G3BP1: variants seen among roughly 807,000 people sequenced by gnomAD.
G3BP1 encodes ras GTPase-activating protein-binding protein 1.
In G3BP1, 35 loss-of-function variants were observed where a neutral mutation model predicts 58.6. The observed-to-expected ratio is 0.60, with a 90% CI of 0.46 to 0.79. The LOEUF (loss-of-function observed/expected upper bound fraction) is 0.79, where lower values mean the gene tolerates loss of function less well. Ranked by LOEUF, G3BP1 falls within the 30% of genes least tolerant of loss-of-function variation. The pLI is 0.00. For synonymous variants in G3BP1, 191 were observed against 195.4 expected, an observed-to-expected ratio of 0.98 and a Z score of 0.19; for missense variants, 523 against 580.8, an observed-to-expected ratio of 0.90 and a Z score of 1.02.
intron 1 of G3BP1, among the ~76,000 whole-genome samples, chr5:151,781,066 C>T (rs1762462700): frequency 6.6e-6 from 1 of 151,608 alleles, no homozygotes; most frequent in South Asian, 2.1e-4. Context: ...AAAAAGCTCA[C>T]AAACTGAATA....
intron 11 of G3BP1, among the ~76,000 whole-genome samples, 191 bp downstream of exon 11, chr5:151,801,060 A>G (rs892005): frequency 0.2 from 29,868 of 152,054 alleles, 3,688 homozygotes; most frequent in South Asian, 0.32. Context: ...CCTTATGTTT[A>G]AGTAACTTAG....
Position 151,786,585 on chromosome 5 carries a change from T to C in G3BP1, c.-36T>C. ...TTGATCCTTCAGGTTTGGACATATT[T>C]GACTCTTTTCCCCCCAGGTTGAATT... On this transcript the variant is annotated 5_prime_UTR_variant, in exon 2 of 12. Coordinates refer to ENST00000356245, the MANE Select transcript of G3BP1 (RefSeq NM_005754.3). 1 of 1,322,000 alleles carries C rather than the reference T, an allele frequency of 7.6e-7. No homozygotes were observed. Among genetic ancestry groups the C allele is most frequent in the Non-Finnish European group, 1.1e-6 (1 of 913,568 alleles). The allele number at this position is 1,322,000 out of a possible 1,614,324, so 81.9% of individuals were successfully genotyped here.
intron 7 of G3BP1, among the ~76,000 whole-genome samples, chr5:151,798,053 A>G (rs938989486): frequency 6.6e-6 from 1 of 152,326 alleles, no homozygotes; most frequent in East Asian, 1.9e-4. Context: ...TGTTTGTTCA[A>G]TAATTCAAAT....
At chr5:151,784,168 T>C (rs574655746) in intron 1 of G3BP1, among the ~76,000 whole-genome samples, 176 of 152,286 alleles carry the variant, frequency 1.2e-3, no homozygotes, top group African/African-American at 4.0e-3. Context: ...TGATGATAGC[T>C]CACTGCAGCC....
chr5:151,799,357 AT>A, intron 8 of G3BP1, 44 bp downstream of exon 8: 1 of 962,138 alleles, frequency 1.0e-6, no homozygotes. Context: ...ATTTACTTCT[AT>A]TGTGGTAATT....
In G3BP1 at chr5:151,808,063, T is replaced by A. The variant is rs1218774965; in HGVS notation, c.*3972T>A. On this transcript the variant is annotated 3_prime_UTR_variant, in exon 12 of 12. Coordinates refer to ENST00000356245, the MANE Select transcript of G3BP1 (RefSeq NM_005754.3). Reference sequence around the variant, plus strand: ...ATGTACCAAAAAAAAATTAGCAATGTCTTATGTGGGATGAGGGGTTAAGTT... The same window carrying A: ...ATGTACCAAAAAAAAATTAGCAATGACTTATGTGGGATGAGGGGTTAAGTT... 2 of 152,216 alleles carry A rather than the reference T, an allele frequency of 1.3e-5. No individual in the cohort carries two copies. The highest frequency in any genetic ancestry group is 1.5e-5 in the Non-Finnish European group (1 of 68,040). The allele number at this position is 152,216 out of a possible 1,614,324, so 9.4% of individuals were successfully genotyped here. A position where few individuals can be genotyped will look rare whatever the true frequency, so the allele number is the denominator to read the frequency against.
intron 1 of G3BP1, among the ~76,000 whole-genome samples, chr5:151,774,130 A>G (rs1762326258): frequency 1.3e-5 from 2 of 152,216 alleles, no homozygotes; most frequent in Non-Finnish European, 2.9e-5. Flanking sequence ...AGGCTGCCCT[A>G]CATCCCTACC....
At chr5:151,775,424 C>G (rs1762351122) in intron 1 of G3BP1, among the ~76,000 whole-genome samples, 1 of 152,234 alleles carries the variant, frequency 6.6e-6, no homozygotes. Context: ...TGAATTGGAG[C>G]TCTGAAACCG....
At chr5:151,799,758 G>A in intron 8 of G3BP1, 131 bp from the exon 9 acceptor site, 1 of 633,026 alleles carries the variant, frequency 1.6e-6, no homozygotes, top group South Asian at 2.0e-5. Flanking sequence ...GGTATAAGAT[G>A]GTTTTTAATG....
chr5:151,795,537 T>G lies in G3BP1; in HGVS notation c.501T>G (p.Pro167=). ...GACAGCAAACACCTGAGGTGGTACC[T>G]GATGATTCTGGAACTTTCTATGATC... ...EERQQTPEVV[P]DDSGTFYDQA... The change falls in exon 6 of 12, where the codon CCT becomes CCG. Residue 167 remains proline, a synonymous_variant. Transcript: ENST00000356245. 2 of 1,607,230 alleles carry G rather than the reference T, an allele frequency of 1.2e-6. No homozygotes were observed. The highest frequency in any genetic ancestry group is 1.1e-5 in the South Asian group (1 of 90,806).
intron 1 of G3BP1, among the ~76,000 whole-genome samples, chr5:151,778,429 T>C (rs1581570775): frequency 6.6e-6 from 1 of 152,172 alleles, no homozygotes; most frequent in Non-Finnish European, 1.5e-5. Flanking sequence ...TTTATGGGAT[T>C]GGTTACTTAA....
At chr5:151,799,187 T>C (rs1433006057) in intron 7 of G3BP1, 25 bp from the exon 8 acceptor site, 16 of 1,078,248 alleles carry the variant, frequency 1.5e-5, no homozygotes, top group Non-Finnish European at 2.2e-5. Flanking sequence ...GGTATAATTA[T>C]GTAATGTTGG....
chr5:151,773,831 A>G (rs1561528954), intron 1 of G3BP1, among the ~76,000 whole-genome samples: 1 of 152,248 alleles, frequency 6.6e-6, no homozygotes, highest in South Asian at 2.1e-4. Context: ...ATGGAAAAAC[A>G]CTAGAATGAC....
At position 151,810,053 on chromosome 5, in the gene G3BP1, T is replaced by C. The variant is rs980598513; in HGVS notation, c.*5962T>C. ...ATTGTGGTGCTTTTTCCACCTTGTA[T>C]TGTTGTAACTGTAAGCTCCTAGGGG... On this transcript the variant is annotated 3_prime_UTR_variant, in exon 12 of 12. Transcript: ENST00000356245. The C allele has an allele frequency of 2.6e-5, 4 of 152,262 alleles. No homozygotes were observed. The highest frequency in any genetic ancestry group is 2.1e-4 in the South Asian group (1 of 4,828). The allele number at this position is 152,262 out of a possible 1,614,324, so 9.4% of individuals were successfully genotyped here.
chr5:151,801,534 A>G (rs1762849242), intron 11 of G3BP1, among the ~76,000 whole-genome samples: 1 of 152,222 alleles, frequency 6.6e-6, no homozygotes. Context: ...TGAAATTTAC[A>G]TAACAAAATT....
chr5:151,790,765 A>G, intron 3 of G3BP1, 124 bp from the exon 4 acceptor site: 2 of 623,900 alleles, frequency 3.2e-6, no homozygotes, highest in Admixed American at 3.0e-5. Context: ...TTCAGTCTGC[A>G]TATCCTGTAA....
intron 4 of G3BP1, chr5:151,791,548 G>A (rs1762652320): frequency 6.3e-6 from 1 of 158,034 alleles, no homozygotes; most frequent in Admixed American, 6.0e-5. Context: ...TTTGTAGGAT[G>A]CTTTATGGGT....
rs139989705 is a variant in G3BP1, at chr5:151,775,556, C to T, written c.-50+3520C>T. Among the ~76,000 whole-genome samples the T allele has an allele frequency of 1.4e-3, 212 of 152,350 alleles. 4 individuals carry two copies. The East Asian group carries it at 0.02, about 15-fold the overall frequency. Reference sequence around the variant, plus strand: ...TGGAATGTATGAATGTGACACCTGCCTGCCCTTGCAGGCTTCTCCCATATG... The same window carrying T: ...TGGAATGTATGAATGTGACACCTGCTTGCCCTTGCAGGCTTCTCCCATATG... On this transcript the variant is annotated intron_variant, in intron 1 of 11. Transcript: ENST00000356245.
In G3BP1 at chr5:151,775,471, A is replaced by G. The variant is rs147471181; in HGVS notation, c.-50+3435A>G. Among the ~76,000 whole-genome samples, 452 of 152,400 alleles carry G rather than the reference A, an allele frequency of 3.0e-3. 2 individuals are homozygous for G. The highest frequency in any genetic ancestry group is 0.01 in the African/African-American group (424 of 41,600). On this transcript the variant is annotated intron_variant, in intron 1 of 11. Transcript: ENST00000356245. ...CTATTTTGAAAAGCATGTGGTACCTAATAGGGTACTATAGCCAGCTTATTT... is the reference window on the plus strand; with the variant it reads ...CTATTTTGAAAAGCATGTGGTACCTGATAGGGTACTATAGCCAGCTTATTT...
Sources: gnomAD v4.1 joint callset for allele counts (sites outside exome capture counted in the v4.1 genomes callset) on GRCh38, gnomAD v4.1.1 for gene constraint, MANE v1.5 for transcripts, NCBI Gene and HGNC (gene_info 2026-07-23, HGNC 2026-07-21) for gene names.